Variants in LUZP2 observed in about 807,000 individuals in gnomAD.
LUZP2 encodes the protein leucine zipper protein 2.
LUZP2 carries 52 observed loss-of-function variants against 51.6 expected under a neutral mutation model. That is an observed-to-expected ratio of 1.01 (90% CI 0.81 to 1.27). The LOEUF (loss-of-function observed/expected upper bound fraction) is 1.27. Among genes scored for constraint, LUZP2 ranks in the 50% most tolerant of loss-of-function variants. The probability of loss-of-function intolerance (pLI) is 0.00; values close to 1 mark genes in which losing one functional copy is unlikely to be tolerated. For missense variants in LUZP2, 436 were observed against 395.4 expected, an observed-to-expected ratio of 1.10 and a Z score of -0.87; for synonymous variants, 154 against 137.3, an observed-to-expected ratio of 1.12 and a Z score of -0.85.
At chr11:24,803,543 G>A (rs1849757674) in intron 5 of LUZP2, among the ~76,000 whole-genome samples, 1 of 152,034 alleles carries the variant, frequency 6.6e-6, no homozygotes, top group Admixed American at 6.6e-5. Context: ...ATTTATAGCA[G>A]CGTTATTCAC....
chr11:24,780,614 G>A (rs571820503), intron 5 of LUZP2, among the ~76,000 whole-genome samples: 12 of 152,184 alleles, frequency 7.9e-5, no homozygotes, highest in African/African-American at 2.9e-4. Flanking sequence ...GATGATGATC[G>A]TAATAACAAC....
At chr11:24,587,388 C>G (rs933604060) in intron 1 of LUZP2, among the ~76,000 whole-genome samples, 1 of 152,088 alleles carries the variant, frequency 6.6e-6, no homozygotes, top group African/African-American at 2.4e-5. Flanking sequence ...TTGCTAGGAA[C>G]AATCACTCTT....
chr11:24,543,286 A>T (rs1851436994), intron 1 of LUZP2, among the ~76,000 whole-genome samples: 1 of 152,064 alleles, frequency 6.6e-6, no homozygotes, highest in South Asian at 2.1e-4. Context: ...CAACCCTGTG[A>T]TATTTCTATG....
chr11:24,805,634 A>G (rs781141730), intron 5 of LUZP2, among the ~76,000 whole-genome samples: 8 of 152,178 alleles, frequency 5.3e-5, no homozygotes, highest in Non-Finnish European at 7.3e-5. Flanking sequence ...AAATGTCAGA[A>G]ATAATCCCTG....
At chr11:24,983,657 A>C (rs557885324) in intron 9 of LUZP2, among the ~76,000 whole-genome samples, 1 of 151,686 alleles carries the variant, frequency 6.6e-6, no homozygotes, top group Non-Finnish European at 1.5e-5. Flanking sequence ...AAGTATCTTC[A>C]GAAAGGTAAA....
At chr11:25,074,302 T>C (rs566831802) in intron 10 of LUZP2, among the ~76,000 whole-genome samples, 4 of 152,152 alleles carry the variant, frequency 2.6e-5, no homozygotes, top group African/African-American at 9.7e-5. Flanking sequence ...TGTGGCCTTA[T>C]CTCTGGTGCC....
chr11:24,966,219 A>G (rs185459653), intron 7 of LUZP2, among the ~76,000 whole-genome samples: 1 of 151,546 alleles, frequency 6.6e-6, no homozygotes. Flanking sequence ...GGTTGTTTGT[A>G]TTTTTAATTT....
chr11:24,499,828 C>T (rs1849937165), intron 1 of LUZP2, among the ~76,000 whole-genome samples: 1 of 152,026 alleles, frequency 6.6e-6, no homozygotes, highest in Non-Finnish European at 1.5e-5. Flanking sequence ...TAATACTTTG[C>T]TATTTTATTT....
chr11:24,850,168 T>C (rs1387276017), intron 5 of LUZP2, among the ~76,000 whole-genome samples: 3 of 152,218 alleles, frequency 2.0e-5, no homozygotes, highest in Admixed American at 6.5e-5. Flanking sequence ...CTGCCATTGC[T>C]TTTGGTGTTT....
chr11:24,898,641 A>C (rs1026910070), intron 5 of LUZP2, among the ~76,000 whole-genome samples: 4 of 149,338 alleles, frequency 2.7e-5, no homozygotes, highest in South Asian at 4.2e-4. Flanking sequence ...AAAAAAAAAA[A>C]CAAGAGTTTA....
intron 1 of LUZP2, among the ~76,000 whole-genome samples, chr11:24,570,075 A>G (rs1168343020): frequency 1.3e-5 from 2 of 152,068 alleles, no homozygotes; most frequent in East Asian, 1.9e-4. Context: ...TGAGATGAAC[A>G]TAACCTTTTT....
At chr11:24,950,360 T>C (rs1855041148) in intron 7 of LUZP2, among the ~76,000 whole-genome samples, 1 of 151,652 alleles carries the variant, frequency 6.6e-6, no homozygotes, top group African/African-American at 2.4e-5. Context: ...AATGTGTAGC[T>C]TAGAAGAGAT....
chr11:25,008,858 TG>T (rs1331891566), intron 9 of LUZP2, among the ~76,000 whole-genome samples: 1 of 152,100 alleles, frequency 6.6e-6, no homozygotes, highest in Non-Finnish European at 1.5e-5. Flanking sequence ...GATTGGCCCA[TG>T]GGCGGGCCTG....
chr11:24,592,951 C>A (rs570344706), intron 1 of LUZP2, among the ~76,000 whole-genome samples: 1 of 152,242 alleles, frequency 6.6e-6, no homozygotes, highest in South Asian at 2.1e-4. Context: ...ATAAGTCAAA[C>A]AATAACCATT....
intron 8 of LUZP2, among the ~76,000 whole-genome samples, chr11:24,980,643 T>C (rs1856003129): frequency 6.6e-6 from 1 of 151,696 alleles, no homozygotes; most frequent in Non-Finnish European, 1.5e-5. Context: ...CAAGATGATT[T>C]GAAATGATGG....
At chr11:24,758,371 T>A (rs1859851909) in intron 4 of LUZP2, among the ~76,000 whole-genome samples, 1 of 151,700 alleles carries the variant, frequency 6.6e-6, no homozygotes, top group African/African-American at 2.4e-5. Context: ...GTGTATATCA[T>A]GAATATTTTA....
chr11:24,874,016 A>T (rs1852168808), intron 5 of LUZP2, among the ~76,000 whole-genome samples: 1 of 152,172 alleles, frequency 6.6e-6, no homozygotes, highest in Admixed American at 6.5e-5. Context: ...ATACTGTAGA[A>T]TAACTATTAA....
At chr11:24,951,598 G>A (rs981628831) in intron 7 of LUZP2, among the ~76,000 whole-genome samples, 3 of 151,176 alleles carry the variant, frequency 2.0e-5, no homozygotes, top group African/African-American at 4.9e-5. Flanking sequence ...ATCTTCACTC[G>A]TGGCTTTAGT....
At chr11:25,022,278 A>T (rs1277215183) in intron 9 of LUZP2, among the ~76,000 whole-genome samples, 1 of 152,054 alleles carries the variant, frequency 6.6e-6, no homozygotes, top group Non-Finnish European at 1.5e-5. Context: ...CCTCTTTTAC[A>T]TGTAGTTCAT....
Sources: gnomAD v4.1 joint callset for allele counts (sites outside exome capture counted in the v4.1 genomes callset) on GRCh38, gnomAD v4.1.1 for gene constraint, MANE v1.5 for transcripts, NCBI Gene and HGNC (gene_info 2026-07-23, HGNC 2026-07-21) for gene names.